Variants in DCAF1 observed in about 807,000 individuals in gnomAD.
The protein encoded by DCAF1 is DDB1 and CUL4 associated factor 1.
DCAF1 carries 15 observed loss-of-function variants against 128.0 expected under a neutral mutation model. The observed-to-expected ratio is 0.12, with a 90% CI of 0.08 to 0.18. DCAF1 has a LOEUF of 0.18. Among genes scored for constraint, DCAF1 ranks in the 10% least tolerant of loss-of-function variants. The pLI, the probability that DCAF1 is intolerant of heterozygous loss-of-function variation, is 1.00. For synonymous variants in DCAF1, 610 were observed against 603.0 expected (o/e 1.01, Z -0.17); for missense variants, 988 against 1,649.5 (o/e 0.60, Z 6.95).
At chr3:51,456,067 G>A (rs1702869957) in intron 6 of DCAF1, among the ~76,000 whole-genome samples, 1 of 152,226 alleles carries the variant, frequency 6.6e-6, no homozygotes, top group African/African-American at 2.4e-5. Flanking sequence ...GTGCAGGACA[G>A]TGGGTGCAGT....
intron 4 of DCAF1, among the ~76,000 whole-genome samples, chr3:51,467,894 T>C (rs1300324133): frequency 1.3e-5 from 2 of 152,134 alleles, no homozygotes; most frequent in Non-Finnish European, 2.9e-5. Context: ...AGCATGCTTC[T>C]ATTGATGGGT....
chr3:51,448,154 T>A (rs1702052684), intron 6 of DCAF1, among the ~76,000 whole-genome samples: 1 of 152,212 alleles, frequency 6.6e-6, no homozygotes, highest in South Asian at 2.1e-4. Flanking sequence ...TGTTAATTCT[T>A]AAAATTCTAC....
Position 51,403,236 on chromosome 3 carries a change from C to G in DCAF1, c.4372G>C (p.Asp1458His). ...TCTAGAAGGTTTGCTAGCTCCTCAT[C>G]AGAGGGAGAGAAGTCATTGTCCCCA... is the stretch of plus-strand genomic sequence containing the variant. ...EDGDNDFSPSDEELANLLEEG... is the reference protein window; with the variant it reads ...EDGDNDFSPSHEELANLLEEG... Residue 1458 changes from aspartate to histidine, a missense_variant, in exon 24 of 25, where the codon GAT (aspartate) becomes CAT (histidine). By Grantham distance (81) the Asp-to-His change is moderately conservative. Around this residue, in one of 11 missense-constraint regions of DCAF1, gnomAD observed 97 missense variants for 134.5 expected, o/e 0.72. Transcript: ENST00000684031. 1.2e-6 allele frequency: 2 copies of G among 1,613,872 alleles called. No homozygotes were observed. The highest frequency in any genetic ancestry group is 1.7e-6 in the Non-Finnish European group (2 of 1,179,854).
At chr3:51,423,389 C>G (rs1699596600) in intron 13 of DCAF1, among the ~76,000 whole-genome samples, 1 of 151,696 alleles carries the variant, frequency 6.6e-6, no homozygotes, top group Non-Finnish European at 1.5e-5. Context: ...GTAGTCCCAG[C>G]TACTCGGGAG....
chr3:51,446,991 AATAATAAT>A, intron 6 of DCAF1, among the ~76,000 whole-genome samples: 1 of 147,922 alleles, frequency 6.8e-6, no homozygotes, highest in Non-Finnish European at 1.5e-5. Context: ...TAATAATAAT[AATAATAAT>A]AAAATGTTTT....
intron 11 of DCAF1, 133 bp downstream of exon 11, chr3:51,429,900 A>C (rs1449140835): frequency 1.7e-6 from 1 of 598,112 alleles, no homozygotes; most frequent in African/African-American, 1.9e-5. Context: ...GAAAAAAAAA[A>C]AACTTCACAA....
chr3:51,470,222 T>C (rs558198409), intron 4 of DCAF1, among the ~76,000 whole-genome samples: 1 of 152,176 alleles, frequency 6.6e-6, no homozygotes, highest in South Asian at 2.1e-4. Context: ...ATAATTATTA[T>C]TAGAAAGATG....
chr3:51,492,911 G>A (rs562946311), intron 2 of DCAF1, among the ~76,000 whole-genome samples: 1 of 151,888 alleles, frequency 6.6e-6, no homozygotes, highest in Non-Finnish European at 1.5e-5. Context: ...GGAGAATGGC[G>A]TGAACCCGGG....
chr3:51,425,707 C>T (rs1293114221), intron 13 of DCAF1, among the ~76,000 whole-genome samples: 2 of 151,288 alleles, frequency 1.3e-5, no homozygotes, highest in African/African-American at 4.9e-5. Flanking sequence ...GGACTACAGA[C>T]ATGCGGCAAC....
intron 24 of DCAF1, among the ~76,000 whole-genome samples, chr3:51,401,955 C>T (rs1328177716): frequency 6.6e-6 from 1 of 152,190 alleles, no homozygotes; most frequent in African/African-American, 2.4e-5. Context: ...ATAGAAGACA[C>T]TCCCCTACCC....
chr3:51,432,799 A>T (rs1700507358), intron 10 of DCAF1, among the ~76,000 whole-genome samples: 2 of 152,302 alleles, frequency 1.3e-5, no homozygotes, highest in Admixed American at 1.3e-4. Flanking sequence ...TTGCACTAAG[A>T]CATCGGAAAA....
At position 51,398,754 on chromosome 3, in the gene DCAF1, A is replaced by T; in HGVS notation, c.*15T>A. 6.3e-7 allele frequency: 1 copy of T among 1,584,972 alleles called. No individual in the cohort carries two copies. Among genetic ancestry groups the T allele is most frequent in the Non-Finnish European group, 8.6e-7 (1 of 1,164,972 alleles). On this transcript the variant is annotated 3_prime_UTR_variant, in exon 25 of 25. Coordinates refer to ENST00000684031, the MANE Select transcript of DCAF1 (RefSeq NM_001387579.1). ...TCTCGCCTGCCAAGAATCTCTTCCA[A>T]GCAGTGATGGCTCCTCACTCATTCA...
intron 22 of DCAF1, 113 bp downstream of exon 22, chr3:51,412,880 T>C: frequency 2.0e-6 from 3 of 1,467,838 alleles, no homozygotes; most frequent in Non-Finnish European, 2.8e-6. Context: ...ATAATCTACC[T>C]TCAGGAATGT....
At chr3:51,484,062 C>T (rs140135867) in intron 2 of DCAF1, among the ~76,000 whole-genome samples, 465 of 152,284 alleles carry the variant, frequency 3.1e-3, no homozygotes, top group Non-Finnish European at 5.2e-3. Context: ...TCGCCTTTCT[C>T]AGCCTCAGCT....
rs2089877097 is a variant in DCAF1, at chr3:51,403,409, G to GT, written c.4213-15dup. The GT allele has an allele frequency of 6.4e-7, 1 of 1,551,560 alleles. No individual in the cohort carries two copies. The highest frequency in any genetic ancestry group is 2.4e-5 in the East Asian group (1 of 40,936). ...TTCTTCCTCTTCCTGGTAAGAAAGC[G>GT]TAATGTTCATTAGTACAAACACAGA... On this transcript the variant is annotated splice_polypyrimidine_tract_variant and intron_variant, in intron 23 of 24. Coordinates refer to ENST00000684031, the MANE Select transcript of DCAF1 (RefSeq NM_001387579.1).
At chr3:51,463,771 C>G (rs1404562426) in intron 5 of DCAF1, among the ~76,000 whole-genome samples, 1 of 151,862 alleles carries the variant, frequency 6.6e-6, no homozygotes, top group Non-Finnish European at 1.5e-5. Context: ...ACGGTGAGAC[C>G]CTGTCTCCAA....
intron 4 of DCAF1, among the ~76,000 whole-genome samples, chr3:51,468,247 C>T (rs1553647225): frequency 6.6e-6 from 1 of 152,218 alleles, no homozygotes; most frequent in East Asian, 1.9e-4. Flanking sequence ...TCTTGGCTCA[C>T]TGCAACCTCC....
At chr3:51,454,748 A>G (rs573551933) in intron 6 of DCAF1, among the ~76,000 whole-genome samples, 2 of 151,764 alleles carry the variant, frequency 1.3e-5, no homozygotes, top group East Asian at 3.9e-4. Flanking sequence ...ATCTTGGCTC[A>G]CTGCAAGCTC....
At chr3:51,414,478 C>T (rs1238040718) in intron 19 of DCAF1, 146 bp downstream of exon 19, 4 of 1,214,086 alleles carry the variant, frequency 3.3e-6, no homozygotes, top group Non-Finnish European at 4.4e-6. Flanking sequence ...TTGGAGATTT[C>T]ACTAACATTT....
Sources: allele counts gnomAD v4.1 joint callset (sites outside exome capture counted in the v4.1 genomes callset), GRCh38; gene constraint gnomAD v4.1.1; regional missense constraint gnomAD v4.1.1; transcripts MANE v1.5; gene names NCBI Gene and HGNC (gene_info 2026-07-23, HGNC 2026-07-21).